The following RNF220 variants were observed in gnomAD, a reference collection of about 807,000 sequenced individuals.
RNF220 encodes E3 ubiquitin-protein ligase RNF220.
A neutral mutation model predicts 67.1 loss-of-function variants in RNF220; 7 were observed. The ratio of observed to expected loss-of-function variants is 0.10; its 90% confidence interval spans 0.06 to 0.20. The LOEUF is 0.20. RNF220 is among the 10% of genes least tolerant of loss of function. RNF220 has a pLI of 1.00. For synonymous variants in RNF220, 270 were observed against 283.2 expected, an observed-to-expected ratio of 0.95 and a Z score of 0.47; for missense variants, 565 against 740.3, an observed-to-expected ratio of 0.76 and a Z score of 2.75.
chr1:44,437,567 C>T (rs1046910210), intron 2 of RNF220, among the ~76,000 whole-genome samples: 2 of 152,010 alleles, frequency 1.3e-5, no homozygotes, highest in Non-Finnish European at 2.9e-5. Flanking sequence ...CTGTATTTGG[C>T]GAGCATTTGA....
chr1:44,462,718 A>G (rs1013965273), intron 2 of RNF220, among the ~76,000 whole-genome samples: 2 of 152,224 alleles, frequency 1.3e-5, no homozygotes, highest in African/African-American at 4.8e-5. Flanking sequence ...ATGAAGAGTC[A>G]GAGTCCACAG....
chr1:44,461,478 C>T (rs1213771358), intron 2 of RNF220, among the ~76,000 whole-genome samples: 2 of 152,132 alleles, frequency 1.3e-5, no homozygotes, highest in East Asian at 3.8e-4. Flanking sequence ...TTTTGGTGAT[C>T]TGTTTCAGGA....
intron 2 of RNF220, among the ~76,000 whole-genome samples, chr1:44,522,040 G>A (rs1659981805): frequency 6.6e-6 from 1 of 152,166 alleles, no homozygotes; most frequent in African/African-American, 2.4e-5. Context: ...AAAGCAAGAT[G>A]GCCGCAACTT....
At chr1:44,509,911 G>A (rs1297820414) in intron 2 of RNF220, among the ~76,000 whole-genome samples, 5 of 124,128 alleles carry the variant, frequency 4.0e-5, no homozygotes, top group South Asian at 2.6e-4. Flanking sequence ...AAAAAAGGAA[G>A]GAAGGAAAGA....
chr1:44,450,791 G>GT (rs1283124460), intron 2 of RNF220, among the ~76,000 whole-genome samples: 1 of 152,138 alleles, frequency 6.6e-6, no homozygotes, highest in African/African-American at 2.4e-5. Context: ...TGGCACATAG[G>GT]TTTTTATAGA....
At chr1:44,554,326 T>C (rs1194354206) in intron 2 of RNF220, among the ~76,000 whole-genome samples, 1 of 151,884 alleles carries the variant, frequency 6.6e-6, no homozygotes, top group Admixed American at 6.6e-5. Flanking sequence ...GAGGAGGGAC[T>C]TGGGCAAAAA....
intron 2 of RNF220, among the ~76,000 whole-genome samples, chr1:44,583,215 G>GATATATATATATATATAT (rs35343175): frequency 1.1e-3 from 159 of 149,028 alleles, no homozygotes; most frequent in African/African-American, 3.7e-3. Flanking sequence ...TCCAGAAGCA[G>GATATATATATATATATAT]ATATATATAT....
chr1:44,417,941 G>C lies in RNF220; in HGVS notation c.625+5219G>C, dbSNP rs1400021736. On this transcript the variant is annotated intron_variant, in intron 2 of 14. Coordinates refer to ENST00000361799, the MANE Select transcript of RNF220 (RefSeq NM_018150.4). The surrounding 1 kb of genome is among the most constrained non-coding windows in gnomAD (Gnocchi z 4.0). ...AGGCCGCAGGAGGACTCCGCGCGCC[G>C]CCTCGAGGGCCGGGAGCGCCCAGCC... 6.6e-6 allele frequency among the ~76,000 whole-genome samples: 1 copy of C among 151,854 alleles called. No homozygotes were observed. The highest frequency in any genetic ancestry group is 2.4e-5 in the African/African-American group (1 of 41,386).
rs781506719 is a variant in RNF220 at position 44,412,418 on chromosome 1, C to T, written c.321C>T (p.Thr107=). 2 of 1,613,178 alleles carry T rather than the reference C, an allele frequency of 1.2e-6. No individual in the cohort carries two copies. Among genetic ancestry groups the T allele is most frequent in the South Asian group, 2.2e-5 (2 of 91,004 alleles). The part of the protein sequence containing the change: ...PQFAPPNLDC[T]PISMLNHSGV... ...TTGCTCCCCCAAATCTAGATTGCACCCCAATCAGTATGCTGAATCATAGTG... is the reference window on the plus strand; with the variant it reads ...TTGCTCCCCCAAATCTAGATTGCACTCCAATCAGTATGCTGAATCATAGTG... Residue 107 remains threonine (T), a synonymous_variant, in exon 2 of 15, where the codon ACC becomes ACT. Coordinates refer to ENST00000361799, the MANE Select transcript of RNF220 (RefSeq NM_018150.4). This position sits in a 1 kb window ranked among gnomAD's most constrained non-coding sequence, Gnocchi z 5.3.
chr1:44,529,739 T>C (rs978946074), intron 2 of RNF220, among the ~76,000 whole-genome samples: 4 of 152,100 alleles, frequency 2.6e-5, no homozygotes, highest in African/African-American at 4.8e-5. Context: ...GACAGAACAC[T>C]TCATAGGCCA....
intron 1 of RNF220, among the ~76,000 whole-genome samples, chr1:44,410,983 A>C (rs1276621774): frequency 6.6e-6 from 1 of 152,216 alleles, no homozygotes; most frequent in East Asian, 1.9e-4. Flanking sequence ...TCCGAACTCC[A>C]ATTTGTTCCG....
intron 5 of RNF220, 56 bp downstream of exon 5, chr1:44,626,454 A>G: frequency 7.3e-7 from 1 of 1,376,352 alleles, no homozygotes; most frequent in South Asian, 1.2e-5. Context: ...GGAGGGCTTC[A>G]AGAGCCTGCC....
At chr1:44,487,063 G>A (rs1270024435) in intron 2 of RNF220, among the ~76,000 whole-genome samples, 2 of 152,128 alleles carry the variant, frequency 1.3e-5, no homozygotes, top group East Asian at 3.9e-4. Context: ...ATCCAGGTGC[G>A]GTGGCTCACA....
rs1363209181 is a variant in RNF220 at position 44,565,457 on chromosome 1, C to G, written c.626-48708C>G. On this transcript the variant is annotated intron_variant, in intron 2 of 14. Transcript: ENST00000361799. The surrounding 1 kb of genome is among the most constrained non-coding windows in gnomAD (Gnocchi z 4.2). ...GCAGAGCCAGAGAGAGCCGCAGGAG[C>G]CGCTTAATCTGCCCCTAGGAAGTGC... Among the ~76,000 whole-genome samples, 1 of 152,170 alleles carries G rather than the reference C, an allele frequency of 6.6e-6. No individual in the cohort carries two copies. Among genetic ancestry groups the G allele is most frequent in the Non-Finnish European group, 1.5e-5 (1 of 68,022 alleles).
rs201328028 is a variant in RNF220, at chr1:44,645,441, C to T, written c.1398C>T (p.Ser466=). The T allele has an allele frequency of 7.8e-5, 126 of 1,613,952 alleles. No homozygotes were observed. The highest frequency in any genetic ancestry group is 9.1e-5 in the Non-Finnish European group (107 of 1,180,004). Residue 466 remains serine, a synonymous_variant, in exon 12 of 15, where the codon AGC becomes AGT. Transcript: ENST00000361799. The surrounding 1 kb of genome is among the most constrained non-coding windows in gnomAD (Gnocchi z 5.0). The part of the protein sequence containing the change: ...EMPSTSNGES[S]KQEAMQKTCK... ...CATCCACCAGCAATGGTGAAAGCAG[C>T]AAGCAGGAGGCCATGCAGAAGACCT...
chr1:44,560,916 A>G (rs1418554400), intron 2 of RNF220, among the ~76,000 whole-genome samples: 1 of 152,094 alleles, frequency 6.6e-6, no homozygotes, highest in Admixed American at 6.6e-5. Context: ...ATGCACCACA[A>G]CCTCAGTGAA....
chr1:44,495,625 G>A (rs1657276924), intron 2 of RNF220, among the ~76,000 whole-genome samples: 2 of 152,164 alleles, frequency 1.3e-5, no homozygotes, highest in African/African-American at 2.4e-5. Context: ...TAATAGAGAC[G>A]GGGTTTCACC....
intron 6 of RNF220, chr1:44,632,697 A>G (rs1644199370): frequency 1.9e-6 from 1 of 516,610 alleles, no homozygotes; most frequent in Non-Finnish European, 3.5e-6. Context: ...TTGAATTTGC[A>G]AACTGCTGGG....
intron 2 of RNF220, among the ~76,000 whole-genome samples, chr1:44,605,293 T>A: frequency 1.6e-5 from 1 of 63,608 alleles, no homozygotes. Flanking sequence ...TGAGACTCCG[T>A]CTCAAAAAAA....
Sources: gnomAD v4.1 joint callset for allele counts (sites outside exome capture counted in the v4.1 genomes callset) on GRCh38, gnomAD v4.1.1 for gene constraint, Gnocchi (gnomAD v3.1) non-coding constraint, MANE v1.5 for transcripts, NCBI Gene and HGNC (gene_info 2026-07-23, HGNC 2026-07-21) for gene names.